BLVRA: variants seen among roughly 807,000 people sequenced by gnomAD.
BLVRA encodes the protein BVR A.
In BLVRA, 22 loss-of-function variants were observed where a neutral mutation model predicts 32.8. That is an observed-to-expected ratio of 0.67 (90% confidence interval 0.48 to 0.96). The LOEUF is 0.96. Ranked by LOEUF, BLVRA falls within the 40% of genes least tolerant of loss-of-function variation. BLVRA has a pLI of 0.00. For synonymous variants in BLVRA, 119 were observed against 141.3 expected, an observed-to-expected ratio of 0.84 and a Z score of 1.12; for missense variants, 323 against 358.1, an observed-to-expected ratio of 0.90 and a Z score of 0.79.
intron 2 of BLVRA, among the ~76,000 whole-genome samples, chr7:43,784,638 C>G (rs1225354182): frequency 1.7e-5 from 2 of 118,180 alleles, no homozygotes; most frequent in Non-Finnish European, 3.2e-5. Flanking sequence ...GAGTGTTGCT[C>G]TGTCGCCCAG....
intron 2 of BLVRA, among the ~76,000 whole-genome samples, chr7:43,783,432 G>T (rs183403226): frequency 6.6e-6 from 1 of 152,084 alleles, no homozygotes; most frequent in African/African-American, 2.4e-5. Flanking sequence ...TCTTTCACCC[G>T]ATCATCTATC....
intron 5 of BLVRA, among the ~76,000 whole-genome samples, chr7:43,797,138 T>C (rs1050592350): frequency 6.6e-6 from 1 of 152,242 alleles, no homozygotes; most frequent in Non-Finnish European, 1.5e-5. Flanking sequence ...AGTCTCGCCC[T>C]GTTACCTAGG....
chr7:43,800,597 T>G (rs766069685), intron 6 of BLVRA, 25 bp downstream of exon 6: 1 of 1,600,448 alleles, frequency 6.2e-7, no homozygotes, highest in Non-Finnish European at 8.6e-7. Flanking sequence ...GGATCACAGG[T>G]CACATGTGAG....
intron 4 of BLVRA, 59 bp from the exon 5 acceptor site, chr7:43,792,656 G>A: frequency 6.9e-7 from 1 of 1,456,710 alleles, no homozygotes. Context: ...ATTATGCAGA[G>A]CATTTCAGTG....
rs959712454 is a variant in BLVRA, at chr7:43,767,555, T to G, written c.-21-3583T>G. ...GCTGGCCCTCTTTATGTATGTGGTC[T>G]GGAATGAAGGCTCATGACAGTGACA... On this transcript the variant is annotated intron_variant, in intron 1 of 7. Transcript: ENST00000265523. The G allele has an allele frequency of 1.5e-5, 16 of 1,053,796 alleles. No individual in the cohort carries two copies. The African/African-American group carries it at 2.3e-4, about 15-fold the overall frequency. 65.3% of individuals were successfully genotyped at this position (1,053,796 alleles called of 1,614,324 possible). A position where few individuals can be genotyped will look rare whatever the true frequency, so the allele number is the denominator to read the frequency against.
intron 7 of BLVRA, among the ~76,000 whole-genome samples, chr7:43,804,062 T>A (rs1225517093): frequency 2.0e-5 from 3 of 152,202 alleles, no homozygotes; most frequent in Non-Finnish European, 4.4e-5. Context: ...CATAATCCCA[T>A]CTGCCAGTCA....
chr7:43,803,600 A>ACCCCCCCCCCCCC, intron 6 of BLVRA, 76 bp from the exon 7 acceptor site: 1 of 478,312 alleles, frequency 2.1e-6, no homozygotes, highest in Non-Finnish European at 3.9e-6. Flanking sequence ...CACCCCCGCC[A>ACCCCCCCCCCCCC]CCCCCACCCC....
intron 1 of BLVRA, among the ~76,000 whole-genome samples, chr7:43,767,962 A>G (rs921068780): frequency 6.6e-6 from 1 of 152,174 alleles, no homozygotes; most frequent in African/African-American, 2.4e-5. Flanking sequence ...AAGCAGTAGA[A>G]TTGCTAGGTC....
intron 3 of BLVRA, among the ~76,000 whole-genome samples, chr7:43,790,426 GACAC>G (rs138248593): frequency 5.3e-5 from 8 of 151,004 alleles, no homozygotes; most frequent in Non-Finnish European, 7.4e-5. Context: ...GAGGGAGGAA[GACAC>G]ACACACACAC....
At chr7:43,767,382 G>C in intron 1 of BLVRA, 1 of 1,601,230 alleles carries the variant, frequency 6.2e-7, no homozygotes, top group Non-Finnish European at 8.5e-7. Flanking sequence ...AGACGCTCCT[G>C]TTCTTCACAG....
rs117311242 is a variant in BLVRA at position 43,796,201 on chromosome 7, C to T, written c.352+3389C>T. Among the ~76,000 whole-genome samples the T allele has an allele frequency of 2.9e-4, 43 of 149,946 alleles. No individual in the cohort carries two copies. The East Asian group carries it at 7.2e-3, about 25-fold the overall frequency. On this transcript the variant is annotated intron_variant, in intron 5 of 7. Transcript: ENST00000265523. ...CTAAAGTCAGAAGTGAAAGAGGAGA[C>T]ATTACAACAAATGCTGCTGAAATAA...
At chr7:43,799,252 T>C (rs1345136822) in intron 5 of BLVRA, among the ~76,000 whole-genome samples, 1 of 152,192 alleles carries the variant, frequency 6.6e-6, no homozygotes. Flanking sequence ...CAGTATTTGC[T>C]GTGATGCTGG....
At chr7:43,795,165 T>C (rs1328932756) in intron 5 of BLVRA, among the ~76,000 whole-genome samples, 1 of 151,982 alleles carries the variant, frequency 6.6e-6, no homozygotes, top group African/African-American at 2.4e-5. Flanking sequence ...GAGCCAAGAT[T>C]GTGGCATTGC....
intron 1 of BLVRA, among the ~76,000 whole-genome samples, chr7:43,761,631 T>C (rs113581902): frequency 0.03 from 4,594 of 152,278 alleles, 91 homozygotes; most frequent in Non-Finnish European, 0.046. Flanking sequence ...CCTTTCCTGA[T>C]TCTCAGTTAT....
At chr7:43,805,361 C>T (rs1052910532) in intron 7 of BLVRA, among the ~76,000 whole-genome samples, 21 of 151,470 alleles carry the variant, frequency 1.4e-4, no homozygotes, top group African/African-American at 5.1e-4. Flanking sequence ...CAGCTCACTG[C>T]AACCTCCATC....
At position 43,787,602 on chromosome 7, in the gene BLVRA, A is replaced by C. The variant is rs912403387; in HGVS notation, c.13-302A>C. Among the ~76,000 whole-genome samples the C allele has an allele frequency of 2.3e-4, 35 of 152,140 alleles. No homozygotes were observed. The highest frequency in any genetic ancestry group is 7.5e-4 in the African/African-American group (31 of 41,440). Reference sequence around the variant, plus strand: ...GGTTAATGGGGAAAGCTCCCTCATTATTGGAGATGGGGCAGTAGAAGTGGA... The same window carrying C: ...GGTTAATGGGGAAAGCTCCCTCATTCTTGGAGATGGGGCAGTAGAAGTGGA... On this transcript the variant is annotated intron_variant, in intron 2 of 7. Coordinates refer to ENST00000265523, the MANE Select transcript of BLVRA (RefSeq NM_000712.4). This position sits in a 1 kb window ranked among gnomAD's most constrained non-coding sequence, Gnocchi z 4.5.
intron 7 of BLVRA, among the ~76,000 whole-genome samples, chr7:43,804,340 C>G (rs1299576184): frequency 6.6e-6 from 1 of 152,130 alleles, no homozygotes; most frequent in Non-Finnish European, 1.5e-5. Context: ...CCTTGGCAGG[C>G]TGAGGCAGGA....
intron 6 of BLVRA, among the ~76,000 whole-genome samples, chr7:43,802,443 G>A (rs889685452): frequency 3.3e-5 from 5 of 152,080 alleles, no homozygotes; most frequent in South Asian, 2.1e-4. Context: ...GGAGGCAGAC[G>A]GGAGCAGTAT....
At chr7:43,763,981 A>G (rs1286895636) in intron 1 of BLVRA, among the ~76,000 whole-genome samples, 1 of 152,208 alleles carries the variant, frequency 6.6e-6, no homozygotes, top group East Asian at 1.9e-4. Context: ...TTATTTATGT[A>G]ATTAATATTG....
Sources: gnomAD v4.1 joint callset for allele counts (sites outside exome capture counted in the v4.1 genomes callset) on GRCh38, gnomAD v4.1.1 for gene constraint, Gnocchi (gnomAD v3.1) non-coding constraint, MANE v1.5 for transcripts, NCBI Gene and HGNC (gene_info 2026-07-23, HGNC 2026-07-21) for gene names.